GALNT17: variants seen among roughly 807,000 people sequenced by gnomAD.
The protein encoded by GALNT17 is UDP-GalNAc:polypeptide N-acetylgalactosaminyltransferase-like 3.
In GALNT17, 29 loss-of-function variants were observed where a neutral mutation model predicts 63.7. The ratio of observed to expected loss-of-function variants is 0.46; its 90% CI spans 0.34 to 0.62. The LOEUF is 0.62. GALNT17 is among the 20% of genes least tolerant of loss of function. GALNT17 has a pLI of 0.01. For synonymous variants in GALNT17, 305 were observed against 318.3 expected (o/e 0.96, Z 0.45); for missense variants, 603 against 799.6 (o/e 0.75, Z 2.97).
At chr7:71,344,022 A>G (rs1250685734) in intron 2 of GALNT17, among the ~76,000 whole-genome samples, 1 of 151,966 alleles carries the variant, frequency 6.6e-6, no homozygotes, top group East Asian at 1.9e-4. Context: ...CAGTTTGGAG[A>G]AGAGCAAGGC....
At chr7:71,304,819 G>A (rs935442821) in intron 1 of GALNT17, among the ~76,000 whole-genome samples, 15 of 151,658 alleles carry the variant, frequency 9.9e-5, no homozygotes, top group African/African-American at 3.4e-4. Flanking sequence ...GCACGATCTC[G>A]GTTCACCTCC....
chr7:71,488,402 C>G (rs1230485601), intron 5 of GALNT17, among the ~76,000 whole-genome samples: 1 of 151,854 alleles, frequency 6.6e-6, no homozygotes, highest in African/African-American at 2.4e-5. Flanking sequence ...ACTTCCTGGA[C>G]AAAAATCACC....
chr7:71,478,166 C>T (rs573312675), intron 5 of GALNT17, among the ~76,000 whole-genome samples: 20 of 152,190 alleles, frequency 1.3e-4, no homozygotes, highest in African/African-American at 4.6e-4. Flanking sequence ...CTGGAACCAG[C>T]GTGCTTGTAG....
rs1787711380 is a variant in GALNT17, at chr7:71,132,921, A to C, written c.119A>C (p.His40Pro). The change falls in exon 1 of 11, where the codon CAC becomes CCC. Residue 40 changes from histidine to proline, a missense_variant. Around this residue, in one of 3 missense-constraint regions of GALNT17, gnomAD observed 195 missense variants for 215.0 expected, o/e 0.91. Coordinates refer to ENST00000333538, the MANE Select transcript of GALNT17 (RefSeq NM_022479.3). The stretch of plus-strand genomic sequence containing the variant: ...GCGGTGCGCAGCGGAGACGCCTTCC[A>C]CGAGATCCGGCCGCGCGCCGAGGTG... ...PIAVRSGDAFHEIRPRAEVAN... is the reference protein window; with the variant it reads ...PIAVRSGDAFPEIRPRAEVAN... 1 of 1,611,928 alleles carries C rather than the reference A, an allele frequency of 6.2e-7. No homozygotes were observed. The highest frequency in any genetic ancestry group is 8.5e-7 in the Non-Finnish European group (1 of 1,179,512).
intron 6 of GALNT17, among the ~76,000 whole-genome samples, chr7:71,622,016 A>C (rs1056392968): frequency 2.6e-5 from 4 of 152,198 alleles, no homozygotes; most frequent in African/African-American, 9.6e-5. Context: ...TAAACCTTAC[A>C]CCATAATCTA....
chr7:71,135,690 C>A (rs1019546922), intron 1 of GALNT17, among the ~76,000 whole-genome samples: 2 of 152,212 alleles, frequency 1.3e-5, no homozygotes, highest in South Asian at 4.1e-4. Context: ...GGACAGGGCC[C>A]TCGACCCACT....
intron 8 of GALNT17, among the ~76,000 whole-genome samples, chr7:71,672,189 G>C (rs987960292): frequency 2.0e-5 from 3 of 152,156 alleles, no homozygotes; most frequent in Non-Finnish European, 4.4e-5. Context: ...GGCAGTGAAT[G>C]GATTATTCCT....
At chr7:71,475,583 G>A (rs552491186) in intron 5 of GALNT17, among the ~76,000 whole-genome samples, 1 of 152,236 alleles carries the variant, frequency 6.6e-6, no homozygotes, top group East Asian at 1.9e-4. Context: ...ATGAAGCTTC[G>A]CTGGCTCGCC....
At chr7:71,328,329 G>A (rs1030146162) in intron 1 of GALNT17, among the ~76,000 whole-genome samples, 11 of 152,240 alleles carry the variant, frequency 7.2e-5, no homozygotes, top group African/African-American at 2.4e-4. Context: ...ATTCTCGCAG[G>A]CCTGGTGCCA....
chr7:71,667,215 T>C (rs1489754124), intron 7 of GALNT17, among the ~76,000 whole-genome samples: 1 of 152,176 alleles, frequency 6.6e-6, no homozygotes, highest in Non-Finnish European at 1.5e-5. Context: ...AGAAATACAG[T>C]TGAATATGTG....
intron 10 of GALNT17, 104 bp downstream of exon 10, chr7:71,711,032 C>T: frequency 1.4e-6 from 2 of 1,441,830 alleles, no homozygotes; most frequent in Non-Finnish European, 1.8e-6. Context: ...AAGAGCGACC[C>T]CGAACCCAGG....
chr7:71,193,923 C>CTAT (rs1788999388), intron 1 of GALNT17, among the ~76,000 whole-genome samples: 2 of 152,176 alleles, frequency 1.3e-5, no homozygotes, highest in Non-Finnish European at 2.9e-5. Flanking sequence ...TGACAAAGAG[C>CTAT]TATACTGGTT....
chr7:71,445,162 T>A (rs991789212), intron 5 of GALNT17, among the ~76,000 whole-genome samples: 4 of 148,248 alleles, frequency 2.7e-5, no homozygotes, highest in Admixed American at 2.7e-4. Context: ...TGGAGCCACC[T>A]TTTTTTTTCT....
chr7:71,197,409 C>G (rs923850672), intron 1 of GALNT17, among the ~76,000 whole-genome samples: 1 of 151,116 alleles, frequency 6.6e-6, no homozygotes, highest in Non-Finnish European at 1.5e-5. Flanking sequence ...GGGGTTTCAC[C>G]GTGTTAGCCA....
intron 6 of GALNT17, among the ~76,000 whole-genome samples, chr7:71,635,117 G>A (rs1159780606): frequency 2.0e-5 from 3 of 149,110 alleles, no homozygotes; most frequent in Non-Finnish European, 3.0e-5. Context: ...TGAGGCAGGA[G>A]AATTGCTTGA....
chr7:71,359,476 G>A (rs993242595), intron 2 of GALNT17, among the ~76,000 whole-genome samples: 1 of 152,130 alleles, frequency 6.6e-6, no homozygotes, highest in Non-Finnish European at 1.5e-5. Flanking sequence ...ATGAGGGGTC[G>A]GCCCCATGAC....
intron 5 of GALNT17, among the ~76,000 whole-genome samples, chr7:71,487,987 G>A (rs1185971563): frequency 6.6e-6 from 1 of 152,004 alleles, no homozygotes; most frequent in African/African-American, 2.4e-5. Flanking sequence ...AGACAACATA[G>A]CAAGAGACCC....
chr7:71,474,359 ATGCC>A (rs926328861), intron 5 of GALNT17, among the ~76,000 whole-genome samples: 2 of 152,072 alleles, frequency 1.3e-5, no homozygotes, highest in Non-Finnish European at 2.9e-5. Context: ...GTGACTAAGA[ATGCC>A]TCACTTCCTG....
intron 3 of GALNT17, among the ~76,000 whole-genome samples, chr7:71,403,390 G>T (rs1047060870): frequency 1.5e-4 from 23 of 152,138 alleles, no homozygotes; most frequent in Admixed American, 3.3e-4. Context: ...AAGGTCAGGT[G>T]GTTTGGTATT....
Sources: allele counts gnomAD v4.1 joint callset (sites outside exome capture counted in the v4.1 genomes callset), GRCh38; gene constraint gnomAD v4.1.1; regional missense constraint gnomAD v4.1.1; transcripts MANE v1.5; gene names NCBI Gene and HGNC (gene_info 2026-07-23, HGNC 2026-07-21).